Variants in CNTNAP5 observed in about 807,000 individuals in gnomAD.
CNTNAP5 encodes contactin-associated protein-like 5.
In CNTNAP5, 72 loss-of-function variants were observed where a neutral mutation model predicts 150.2. The ratio of observed to expected loss-of-function variants is 0.48; its 90% CI spans 0.40 to 0.58. The LOEUF (loss-of-function observed/expected upper bound fraction) is 0.58. Among genes scored for constraint, CNTNAP5 ranks in the 20% least tolerant of loss-of-function variants. The pLI is 0.00. For synonymous variants in CNTNAP5, 672 were observed against 619.8 expected (o/e 1.08, Z -1.25); for missense variants, 1,636 against 1,626.2 (o/e 1.01, Z -0.10).
At chr2:124,497,135 T>C (rs1218972971) in intron 7 of CNTNAP5, among the ~76,000 whole-genome samples, 2 of 152,152 alleles carry the variant, frequency 1.3e-5, no homozygotes, top group East Asian at 3.9e-4. Context: ...TTTTTTTATT[T>C]TCAGGTTTTC....
At chr2:124,128,759 T>C (rs928646393) in intron 1 of CNTNAP5, among the ~76,000 whole-genome samples, 1 of 152,134 alleles carries the variant, frequency 6.6e-6, no homozygotes, top group African/African-American at 2.4e-5. Context: ...ATGTCCTTTG[T>C]AGGGACATGG....
chr2:124,189,125 AT>A (rs1432670158), intron 1 of CNTNAP5, among the ~76,000 whole-genome samples: 16 of 152,056 alleles, frequency 1.1e-4, no homozygotes, highest in African/African-American at 3.9e-4. Flanking sequence ...AATTTTAGTT[AT>A]TTTTCAGGAG....
chr2:124,382,362 G>A (rs900233969), intron 3 of CNTNAP5, among the ~76,000 whole-genome samples: 1 of 152,126 alleles, frequency 6.6e-6, no homozygotes, highest in Non-Finnish European at 1.5e-5. Flanking sequence ...AAGTGTGGGG[G>A]TGAGGAAGAA....
intron 12 of CNTNAP5, among the ~76,000 whole-genome samples, chr2:124,616,411 C>T (rs569844133): frequency 6.6e-6 from 1 of 152,286 alleles, no homozygotes; most frequent in African/African-American, 2.4e-5. Context: ...TCACCTCTCT[C>T]AGCCTTTATA....
intron 6 of CNTNAP5, among the ~76,000 whole-genome samples, chr2:124,474,102 C>G (rs1693583973): frequency 6.6e-6 from 1 of 151,990 alleles, no homozygotes. Context: ...ACTTTATACC[C>G]AATTGTAACT....
intron 7 of CNTNAP5, among the ~76,000 whole-genome samples, chr2:124,486,685 T>C (rs1189699225): frequency 1.3e-5 from 2 of 152,236 alleles, no homozygotes; most frequent in African/African-American, 4.8e-5. Context: ...AATACCAGCA[T>C]GTCTCACAAA....
intron 1 of CNTNAP5, among the ~76,000 whole-genome samples, chr2:124,105,889 A>G (rs1683161431): frequency 6.6e-6 from 1 of 152,108 alleles, no homozygotes; most frequent in South Asian, 2.1e-4. Context: ...TTTTCAATGG[A>G]TCATCTGAAA....
At chr2:124,538,784 A>C (rs1695308077) in intron 10 of CNTNAP5, among the ~76,000 whole-genome samples, 1 of 152,238 alleles carries the variant, frequency 6.6e-6, no homozygotes, top group South Asian at 2.1e-4. Context: ...TTAGATTCTC[A>C]AGCCACTTAT....
chr2:124,447,982 A>C lies in CNTNAP5; in HGVS notation c.918+1045A>C, dbSNP rs137931676. 1.8e-3 allele frequency among the ~76,000 whole-genome samples: 277 copies of C among 152,258 alleles called. 1 individual carries two copies. Among genetic ancestry groups the C allele is most frequent in the Admixed American group, 4.4e-3 (67 of 15,286 alleles). The stretch of plus-strand genomic sequence containing the variant: ...GTTAACCTAGGCATTATTAAAAATT[A>C]AGTTGGCTGGGCATGGTGGCTCACA... On this transcript the variant is annotated intron_variant, in intron 6 of 23. Coordinates refer to ENST00000682447, the MANE Select transcript of CNTNAP5 (RefSeq NM_001367498.1).
At chr2:124,481,109 G>T (rs1010522692) in intron 7 of CNTNAP5, among the ~76,000 whole-genome samples, 2 of 152,164 alleles carry the variant, frequency 1.3e-5, no homozygotes, top group Admixed American at 6.5e-5. Flanking sequence ...CAGGACGATC[G>T]GGTTCGGGTG....
chr2:124,690,870 G>A (rs1319537392), intron 13 of CNTNAP5, among the ~76,000 whole-genome samples: 1 of 151,970 alleles, frequency 6.6e-6, no homozygotes, highest in Admixed American at 6.6e-5. Context: ...ATGTCTTAGT[G>A]TAAAATTTAT....
chr2:124,030,430 A>G (rs1226229456), intron 1 of CNTNAP5, among the ~76,000 whole-genome samples: 1 of 152,138 alleles, frequency 6.6e-6, no homozygotes, highest in East Asian at 1.9e-4. Flanking sequence ...TCACAGATCT[A>G]AACAATAAAA....
chr2:124,409,961 T>A (rs1691701665), intron 3 of CNTNAP5, among the ~76,000 whole-genome samples: 1 of 150,546 alleles, frequency 6.6e-6, no homozygotes, highest in Non-Finnish European at 1.5e-5. Flanking sequence ...AGAGCTGTAT[T>A]CAGTGTGCTG....
chr2:124,410,142 A>G (rs1040620539), intron 3 of CNTNAP5, among the ~76,000 whole-genome samples: 6 of 152,170 alleles, frequency 3.9e-5, no homozygotes, highest in African/African-American at 1.2e-4. Flanking sequence ...AGGCCATTAC[A>G]TAATGGTAAA....
intron 11 of CNTNAP5, among the ~76,000 whole-genome samples, chr2:124,583,560 C>A (rs1378789057): frequency 1.3e-5 from 2 of 152,176 alleles, no homozygotes; most frequent in Non-Finnish European, 2.9e-5. Context: ...AGTTTAATAG[C>A]TTTATAATGT....
intron 13 of CNTNAP5, among the ~76,000 whole-genome samples, chr2:124,691,991 G>A (rs1187354707): frequency 6.6e-6 from 1 of 152,102 alleles, no homozygotes; most frequent in African/African-American, 2.4e-5. Flanking sequence ...AGATATATCG[G>A]CTTTTACTTT....
chr2:124,372,105 G>C (rs1008292872), intron 3 of CNTNAP5, among the ~76,000 whole-genome samples: 16 of 152,096 alleles, frequency 1.1e-4, no homozygotes, highest in Middle Eastern at 3.4e-3. Flanking sequence ...GTAGAAGAAG[G>C]GGGATATTCA....
chr2:124,421,185 T>C (rs1649321696), intron 4 of CNTNAP5, among the ~76,000 whole-genome samples: 1 of 152,224 alleles, frequency 6.6e-6, no homozygotes, highest in Non-Finnish European at 1.5e-5. Flanking sequence ...ATCTACATGC[T>C]GGTCACCCCA....
intron 19 of CNTNAP5, among the ~76,000 whole-genome samples, chr2:124,813,786 A>G (rs1471036707): frequency 6.6e-6 from 1 of 151,828 alleles, no homozygotes; most frequent in Non-Finnish European, 1.5e-5. Context: ...ATCAAACACC[A>G]CACTTTACTG....
Sources: gnomAD v4.1 joint callset for allele counts (sites outside exome capture counted in the v4.1 genomes callset) on GRCh38, gnomAD v4.1.1 for gene constraint, MANE v1.5 for transcripts, NCBI Gene and HGNC (gene_info 2026-07-23, HGNC 2026-07-21) for gene names.